ZFYVE9: variants seen among roughly 807,000 people sequenced by gnomAD.
The protein encoded by ZFYVE9 is zinc finger FYVE-type containing 9.
A neutral mutation model predicts 126.7 loss-of-function variants in ZFYVE9; 43 were observed. The observed-to-expected ratio is 0.34, with a 90% CI of 0.27 to 0.44. ZFYVE9 has a LOEUF of 0.44. Among genes scored for constraint, ZFYVE9 ranks in the 20% least tolerant of loss-of-function variants. The probability of loss-of-function intolerance (pLI) is 1.00; values close to 1 mark genes in which losing one functional copy is unlikely to be tolerated. For synonymous variants in ZFYVE9, 521 were observed against 597.4 expected (o/e 0.87, Z 1.87); for missense variants, 1,476 against 1,697.0 (o/e 0.87, Z 2.29).
At chr1:52,263,929 A>G in intron 5 of ZFYVE9, 57 bp downstream of exon 5, 1 of 1,191,526 alleles carries the variant, frequency 8.4e-7, no homozygotes, top group South Asian at 1.5e-5. Flanking sequence ...GGGAATTACG[A>G]TGAGAAGACT....
At chr1:52,177,413 C>T (rs573094938) in intron 1 of ZFYVE9, among the ~76,000 whole-genome samples, 4 of 152,254 alleles carry the variant, frequency 2.6e-5, no homozygotes, top group East Asian at 1.9e-4. Flanking sequence ...GCACAAAGTG[C>T]TGGATTACAG....
At position 52,342,230 on chromosome 1, in the gene ZFYVE9, A is replaced by G. The variant is rs369049491; in HGVS notation, c.3939+1999A>G. Reference sequence around the variant, plus strand: ...AAGCTAGGGGTTGCTATATAGAAACATCGTGTATTTGCATTTCTGTGTCTT... The same window carrying G: ...AAGCTAGGGGTTGCTATATAGAAACGTCGTGTATTTGCATTTCTGTGTCTT... On this transcript the variant is annotated intron_variant, in intron 17 of 18. Transcript: ENST00000287727. 2.9e-4 allele frequency among the ~76,000 whole-genome samples: 43 copies of G among 150,460 alleles called. No homozygotes were observed. The South Asian group carries it at 3.4e-3, about 12-fold the overall frequency.
At chr1:52,310,297 TTAAC>T (rs1646125730) in intron 13 of ZFYVE9, among the ~76,000 whole-genome samples, 1 of 152,172 alleles carries the variant, frequency 6.6e-6, no homozygotes, top group South Asian at 2.1e-4. Context: ...CACCATTGTA[TTAAC>T]TAATAATAAA....
intron 4 of ZFYVE9, chr1:52,252,308 G>T (rs114509979): frequency 0.02 from 2,851 of 141,344 alleles, 91 homozygotes; most frequent in African/African-American, 0.07. Context: ...AATTTGTTTT[G>T]TTGTTGTTGT....
chr1:52,281,617 T>C (rs763170535), intron 9 of ZFYVE9, 44 bp from the exon 10 acceptor site: 3 of 1,604,444 alleles, frequency 1.9e-6, no homozygotes, highest in Admixed American at 1.7e-5. Flanking sequence ...AGAGTAAGGA[T>C]TGATAGGAAT....
intron 5 of ZFYVE9, among the ~76,000 whole-genome samples, chr1:52,266,229 C>T (rs1348904837): frequency 6.6e-6 from 1 of 151,764 alleles, no homozygotes; most frequent in African/African-American, 2.4e-5. Context: ...TCCCAAGTAG[C>T]TGGGACTACA....
intron 1 of ZFYVE9, among the ~76,000 whole-genome samples, chr1:52,189,756 T>C (rs530197025): frequency 6.6e-6 from 1 of 152,284 alleles, no homozygotes; most frequent in Non-Finnish European, 1.5e-5. Flanking sequence ...TCCTATGTTT[T>C]CTTTGAAGAG....
intron 1 of ZFYVE9, among the ~76,000 whole-genome samples, chr1:52,200,113 C>A (rs1030934771): frequency 7.3e-5 from 11 of 151,084 alleles, no homozygotes; most frequent in African/African-American, 2.7e-4. Context: ...CAAGTATGTT[C>A]TCCCAGTCTG....
intron 4 of ZFYVE9, chr1:52,252,700 G>T (rs556217413): frequency 2.4e-6 from 1 of 418,622 alleles, no homozygotes; most frequent in Non-Finnish European, 5.0e-6. Flanking sequence ...CTTATATAAG[G>T]GTTGCAAAAC....
chr1:52,285,085 G>A (rs955193356), intron 10 of ZFYVE9, among the ~76,000 whole-genome samples: 4 of 152,064 alleles, frequency 2.6e-5, no homozygotes, highest in African/African-American at 4.8e-5. Flanking sequence ...TGTTAATGGC[G>A]TACCTAAATC....
At chr1:52,211,197 G>GTT (rs1214472853) in intron 1 of ZFYVE9, among the ~76,000 whole-genome samples, 1 of 152,108 alleles carries the variant, frequency 6.6e-6, no homozygotes, top group African/African-American at 2.4e-5. Flanking sequence ...TTTCCCCTTT[G>GTT]TTATACTCCA....
intron 2 of ZFYVE9, among the ~76,000 whole-genome samples, chr1:52,225,015 A>G (rs1267723751): frequency 1.3e-5 from 2 of 152,150 alleles, no homozygotes; most frequent in Admixed American, 6.5e-5. Context: ...CCTAAGACCT[A>G]CAAGGTGACC....
At chr1:52,191,468 G>C (rs1263252258) in intron 1 of ZFYVE9, among the ~76,000 whole-genome samples, 1 of 152,128 alleles carries the variant, frequency 6.6e-6, no homozygotes, top group Non-Finnish European at 1.5e-5. Context: ...TGACTTGTCT[G>C]GTGGAGTCCT....
chr1:52,338,409 G>A (rs912595904), intron 16 of ZFYVE9, among the ~76,000 whole-genome samples: 3 of 152,048 alleles, frequency 2.0e-5, no homozygotes, highest in Admixed American at 1.3e-4. Flanking sequence ...CTCAGTGTTC[G>A]GCAACTCTAT....
chr1:52,237,579 C>A lies in ZFYVE9; in HGVS notation c.162C>A (p.Ala54=). The A allele has an allele frequency of 6.2e-7, 1 of 1,613,984 alleles. No individual in the cohort carries two copies. The highest frequency in any genetic ancestry group is 8.5e-7 in the Non-Finnish European group (1 of 1,179,934). Residue 54 remains alanine, a synonymous_variant, in exon 4 of 19, where the codon GCC becomes GCA. Transcript: ENST00000287727. The part of the protein sequence containing the change: ...SHRLSFNPTL[A]SVNESAVSNE... ...GGCTGTCATTTAACCCTACTTTGGC[C>A]AGTGTGAATGAATCTGCAGTTTCTA... is the stretch of plus-strand genomic sequence containing the variant.
chr1:52,192,613 A>G (rs1474516468), intron 1 of ZFYVE9, among the ~76,000 whole-genome samples: 1 of 152,210 alleles, frequency 6.6e-6, no homozygotes, highest in Non-Finnish European at 1.5e-5. Context: ...CTGACAGCCC[A>G]TGGGTCAGAG....
rs115630019 is a variant in ZFYVE9, at chr1:52,279,692, C to T, written c.2869+1078C>T. Among the ~76,000 whole-genome samples the T allele has an allele frequency of 6.9e-3, 1,043 of 152,230 alleles. 12 individuals are homozygous for T. The highest frequency in any genetic ancestry group is 0.024 in the African/African-American group (991 of 41,530). ...CCATGTTGCCCAGGTTGTTCTTGAA[C>T]TCCTGAACTCGAGTGATCTGCCTGC... On this transcript the variant is annotated intron_variant, in intron 9 of 18. Coordinates refer to ENST00000287727, the MANE Select transcript of ZFYVE9 (RefSeq NM_004799.4).
At chr1:52,339,303 T>G (rs1451284290) in intron 16 of ZFYVE9, among the ~76,000 whole-genome samples, 1 of 152,108 alleles carries the variant, frequency 6.6e-6, no homozygotes, top group Non-Finnish European at 1.5e-5. Flanking sequence ...TTTTTTTTTT[T>G]TGGAGACAGA....
chr1:52,340,952 C>T (rs919292402), intron 17 of ZFYVE9, among the ~76,000 whole-genome samples: 1 of 149,552 alleles, frequency 6.7e-6, no homozygotes, highest in Non-Finnish European at 1.5e-5. Context: ...GGTGTGGTGG[C>T]TCACGCCTGT....
Sources: allele counts gnomAD v4.1 joint callset (sites outside exome capture counted in the v4.1 genomes callset), GRCh38; gene constraint gnomAD v4.1.1; transcripts MANE v1.5; gene names NCBI Gene and HGNC (gene_info 2026-07-23, HGNC 2026-07-21).